The following MIS18A variants were observed in gnomAD, a reference collection of about 807,000 sequenced individuals.
MIS18A encodes the protein MIS18 kinetochore protein A.
A neutral mutation model predicts 25.0 loss-of-function variants in MIS18A; 14 were observed. That is an observed-to-expected ratio of 0.56 (90% CI 0.37 to 0.88). The LOEUF is 0.88. Among genes scored for constraint, MIS18A ranks in the 40% least tolerant of loss-of-function variants. MIS18A has a pLI of 0.00. For synonymous variants in MIS18A, 134 were observed against 118.6 expected (o/e 1.13, Z -0.84); for missense variants, 292 against 290.8 (o/e 1.00, Z -0.03).
the MIS18A span, among the ~76,000 whole-genome samples, chr21:32,248,387 C>T: frequency 6.6e-6 from 1 of 152,180 alleles, no homozygotes; most frequent in Non-Finnish European, 1.5e-5. Flanking sequence ...GCTTCTTCCT[C>T]TCTCCACACT....
chr21:32,171,703 G>C, the MIS18A span, among the ~76,000 whole-genome samples: 15 of 152,012 alleles, frequency 9.9e-5, no homozygotes, highest in South Asian at 1.5e-3. Context: ...AAAAGCTACA[G>C]TAAATATACA....
At chr21:32,263,724 T>G (rs1205244286), downstream of MIS18A, among the ~76,000 whole-genome samples, 1 of 152,160 alleles carries the variant, frequency 6.6e-6, no homozygotes, top group Non-Finnish European at 1.5e-5. Context: ...AGAAGTCACT[T>G]TCTCTTTTCA....
the MIS18A span, among the ~76,000 whole-genome samples, chr21:32,214,035 T>C: frequency 6.6e-6 from 1 of 152,170 alleles, no homozygotes; most frequent in African/African-American, 2.4e-5. Context: ...TCTCTCTTCA[T>C]TCCATTTCCC....
At chr21:32,192,595 C>T in the MIS18A span, among the ~76,000 whole-genome samples, 5 of 152,336 alleles carry the variant, frequency 3.3e-5, no homozygotes, top group Middle Eastern at 3.4e-3. Context: ...CGTGGATTCA[C>T]CTCCCTCAGC....
chr21:32,247,206 G>A, the MIS18A span, among the ~76,000 whole-genome samples: 4 of 152,280 alleles, frequency 2.6e-5, no homozygotes, highest in African/African-American at 9.6e-5. Context: ...TGACCCAAAC[G>A]ATGACATCTC....
At chr21:32,203,620 T>TTTTTTC in the MIS18A span, among the ~76,000 whole-genome samples, 1 of 136,530 alleles carries the variant, frequency 7.3e-6, no homozygotes. Flanking sequence ...ATGCTTTTTT[T>TTTTTTC]TTTTTTTTTT....
chr21:32,270,447 T>C lies in MIS18A; in HGVS notation c.484A>G (p.Lys162Glu). ...YRCTPKNLDY[K>E]RDLFCLSVEA... ...ACACTGAGGCAAAACAAGTCTCTCTTGTAATCAAGATTCTTGGGCGTGCAT... is the reference window on the plus strand; with the variant it reads ...ACACTGAGGCAAAACAAGTCTCTCTCGTAATCAAGATTCTTGGGCGTGCAT... Residue 162 changes from lysine (K) to glutamate (E), a missense_variant, in exon 3 of 5, where the codon AAG becomes GAG. Transcript: ENST00000290130. 1 of 1,613,854 alleles carries C rather than the reference T, an allele frequency of 6.2e-7. No homozygotes were observed. Among genetic ancestry groups the C allele is most frequent in the Non-Finnish European group, 8.5e-7 (1 of 1,179,908 alleles).
At chr21:32,179,874 C>A in the MIS18A span, among the ~76,000 whole-genome samples, 1 of 152,156 alleles carries the variant, frequency 6.6e-6, no homozygotes, top group Non-Finnish European at 1.5e-5. Flanking sequence ...TGAAACTCTG[C>A]ATACAATGTT....
the MIS18A span, among the ~76,000 whole-genome samples, chr21:32,193,467 G>A: frequency 4.4e-5 from 5 of 113,102 alleles, no homozygotes; most frequent in African/African-American, 1.5e-4. Context: ...ATAGGTTGAT[G>A]ATAGATAGAT....
intron 1 of MIS18A, among the ~76,000 whole-genome samples, chr21:32,276,705 G>C (rs2031817640): frequency 6.6e-6 from 1 of 152,004 alleles, no homozygotes; most frequent in African/African-American, 2.4e-5. Flanking sequence ...CCGAAGCAGG[G>C]GATTGCTTGG....
the MIS18A span, among the ~76,000 whole-genome samples, chr21:32,223,250 A>C: frequency 6.6e-6 from 1 of 152,134 alleles, no homozygotes; most frequent in East Asian, 1.9e-4. Flanking sequence ...TTCAAAAGCT[A>C]GCAGAAGACA....
At chr21:32,174,013 G>C in the MIS18A span, among the ~76,000 whole-genome samples, 2 of 135,158 alleles carry the variant, frequency 1.5e-5, no homozygotes, top group Non-Finnish European at 3.1e-5. Context: ...TTACCAGGCT[G>C]GAGTGCGGTG....
At chr21:32,213,964 A>C in the MIS18A span, among the ~76,000 whole-genome samples, 1 of 152,116 alleles carries the variant, frequency 6.6e-6, no homozygotes, top group Non-Finnish European at 1.5e-5. Context: ...TCTAGGACTG[A>C]ATATCTTTGG....
At chr21:32,252,661 T>C in the MIS18A span, among the ~76,000 whole-genome samples, 3 of 152,220 alleles carry the variant, frequency 2.0e-5, no homozygotes, top group African/African-American at 7.2e-5. Context: ...CTTAACTAAG[T>C]TGACCCCCTA....
the MIS18A span, among the ~76,000 whole-genome samples, chr21:32,198,171 A>G: frequency 2.6e-5 from 4 of 152,212 alleles, no homozygotes; most frequent in Admixed American, 6.5e-5. Flanking sequence ...TTCTGTATTT[A>G]GGAGGGTGTG....
chr21:32,274,798 T>A (rs747565116), intron 2 of MIS18A, 32 bp downstream of exon 2: 3 of 1,539,116 alleles, frequency 1.9e-6, no homozygotes, highest in Non-Finnish European at 2.7e-6. Context: ...GAAAATTCTC[T>A]AACATATTCA....
the MIS18A span, among the ~76,000 whole-genome samples, chr21:32,213,480 C>T: frequency 7.0e-3 from 1,063 of 152,256 alleles, 13 homozygotes; most frequent in African/African-American, 0.024. Context: ...TGTTTATGCA[C>T]GGAATACCTC....
At chr21:32,271,476 TA>T in intron 2 of MIS18A, among the ~76,000 whole-genome samples, 1 of 152,228 alleles carries the variant, frequency 6.6e-6, no homozygotes. Flanking sequence ...CACTGTTAAT[TA>T]TTACAGCAAC....
chr21:32,225,139 T>G, the MIS18A span, among the ~76,000 whole-genome samples: 1 of 58,294 alleles, frequency 1.7e-5, no homozygotes, highest in Non-Finnish European at 3.0e-5. Context: ...CAAGATGGAT[T>G]AAAGATTTAA....
Sources: allele counts gnomAD v4.1 joint callset (sites outside exome capture counted in the v4.1 genomes callset), GRCh38; gene constraint gnomAD v4.1.1; transcripts MANE v1.5; gene names NCBI Gene and HGNC (gene_info 2026-07-23, HGNC 2026-07-21).